The following PTPRD variants were observed in gnomAD, a reference collection of about 807,000 sequenced individuals.
PTPRD encodes protein tyrosine phosphatase receptor type D, also known as receptor-type tyrosine-protein phosphatase delta.
PTPRD carries 34 observed loss-of-function variants against 214.5 expected under a neutral mutation model. The observed-to-expected ratio is 0.16, with a 90% CI of 0.12 to 0.21. PTPRD has a LOEUF of 0.21. Ranked by LOEUF, PTPRD falls within the 10% of genes least tolerant of loss-of-function variation. The pLI is 1.00. For missense variants in PTPRD, 2,545 were observed against 2,398.7 expected, an observed-to-expected ratio of 1.06 and a Z score of -1.27; for synonymous variants, 1,128 against 845.7, an observed-to-expected ratio of 1.33 and a Z score of -5.79.
intron 3 of PTPRD, among the ~76,000 whole-genome samples, chr9:10,075,482 T>A (rs1227668679): frequency 1.3e-5 from 2 of 152,008 alleles, no homozygotes; most frequent in Non-Finnish European, 2.9e-5. Flanking sequence ...ATTTATATAC[T>A]TTATTATTTT....
At chr9:10,598,890 A>G (rs1425059092) in intron 2 of PTPRD, among the ~76,000 whole-genome samples, 1 of 151,618 alleles carries the variant, frequency 6.6e-6, no homozygotes, top group Non-Finnish European at 1.5e-5. Context: ...AATTTTTGAT[A>G]TGATGAGGAG....
chr9:9,973,301 C>CAAAAA (rs747369676), intron 4 of PTPRD, among the ~76,000 whole-genome samples: 1 of 74,198 alleles, frequency 1.3e-5, no homozygotes, highest in African/African-American at 4.4e-5. Flanking sequence ...CCTTGTCTTT[C>CAAAAA]AAAAAAAAAA....
chr9:9,941,501 T>C (rs946513163), intron 4 of PTPRD, among the ~76,000 whole-genome samples: 3 of 152,170 alleles, frequency 2.0e-5, no homozygotes, highest in African/African-American at 7.2e-5. Context: ...TTTTGTATTT[T>C]TAGTAGAGAT....
rs190668092 is a variant in PTPRD, at chr9:10,484,992, G to A, written c.-600+127406C>T. Among the ~76,000 whole-genome samples, 23 of 151,606 alleles carry A rather than the reference G, an allele frequency of 1.5e-4. 1 individual carries two copies. Among genetic ancestry groups the A allele is most frequent in the South Asian group, 1.0e-3 (5 of 4,808 alleles). On this transcript the variant is annotated intron_variant, in intron 2 of 45. Transcript: ENST00000381196. ...TTCTTGTAGTAGTTTCATAGTTTACGGTCTTAGATTTAAGTGTTTAATCAA... is the reference window on the plus strand; with the variant it reads ...TTCTTGTAGTAGTTTCATAGTTTACAGTCTTAGATTTAAGTGTTTAATCAA...
At chr9:8,469,711 A>G (rs1250953539) in intron 31 of PTPRD, among the ~76,000 whole-genome samples, 16 of 152,120 alleles carry the variant, frequency 1.1e-4, no homozygotes, top group Non-Finnish European at 5.9e-5. Flanking sequence ...ACTTGATGAC[A>G]TTATTGAAAT....
At chr9:10,076,646 G>A (rs995817082) in intron 3 of PTPRD, among the ~76,000 whole-genome samples, 3 of 152,206 alleles carry the variant, frequency 2.0e-5, no homozygotes, top group South Asian at 2.1e-4. Context: ...CCTTGCCTAG[G>A]CTGAAGTGAC....
chr9:9,637,550 C>T (rs2095809924), intron 7 of PTPRD, among the ~76,000 whole-genome samples: 1 of 152,216 alleles, frequency 6.6e-6, no homozygotes, highest in Non-Finnish European at 1.5e-5. Context: ...TCCTGGTACA[C>T]TGGGGTGGAT....
intron 11 of PTPRD, among the ~76,000 whole-genome samples, chr9:8,842,380 C>G (rs969893008): frequency 9.2e-5 from 14 of 152,078 alleles, no homozygotes; most frequent in African/African-American, 3.4e-4. Context: ...GATTATATTA[C>G]TTTTATGGCT....
At chr9:8,947,041 T>G (rs78260741) in intron 11 of PTPRD, among the ~76,000 whole-genome samples, 47 of 149,874 alleles carry the variant, frequency 3.1e-4, no homozygotes, top group East Asian at 1.2e-3. Flanking sequence ...TTTTTTTTTT[T>G]TGTGTGTGTG....
At chr9:10,466,575 A>T (rs1736984847) in intron 2 of PTPRD, among the ~76,000 whole-genome samples, 1 of 136,782 alleles carries the variant, frequency 7.3e-6, no homozygotes, top group African/African-American at 2.8e-5. Flanking sequence ...GTGAGCCAAG[A>T]TTGTGCCATT....
chr9:9,828,719 T>TC (rs1425557210), intron 5 of PTPRD, among the ~76,000 whole-genome samples: 3 of 151,906 alleles, frequency 2.0e-5, no homozygotes, highest in Non-Finnish European at 4.4e-5. Flanking sequence ...GCAGGATTTT[T>TC]TTTTTTTTTA....
At chr9:8,386,517 G>C (rs768583472) in intron 37 of PTPRD, among the ~76,000 whole-genome samples, 1 of 152,152 alleles carries the variant, frequency 6.6e-6, no homozygotes, top group African/African-American at 2.4e-5. Context: ...AGCTCTTGGA[G>C]AGGTAATTTG....
At chr9:8,671,578 T>G (rs773872743) in intron 12 of PTPRD, among the ~76,000 whole-genome samples, 5 of 152,158 alleles carry the variant, frequency 3.3e-5, no homozygotes, top group Non-Finnish European at 7.4e-5. Context: ...TTTAAAAATG[T>G]ACCTAGCCAA....
rs1392513 is a variant in PTPRD at position 8,340,256 on chromosome 9, T to A, written c.5253+87A>T. On this transcript the variant is annotated intron_variant, in intron 42 of 45. Transcript: ENST00000381196. ...GTGCACTGCATTTCAAAAAAAATGA[T>A]CTAGCACAAGAGTTATTGAAACAAA... 12,613 of 1,412,160 alleles carry A rather than the reference T, an allele frequency of 8.9e-3. 809 individuals carry two copies. In the African/African-American group the frequency reaches 0.15, roughly 16 times the overall value. 87.5% of individuals were successfully genotyped at this position (1,412,160 alleles called of 1,614,324 possible).
chr9:9,863,669 C>T (rs2063283745), intron 5 of PTPRD, among the ~76,000 whole-genome samples: 1 of 152,096 alleles, frequency 6.6e-6, no homozygotes, highest in African/African-American at 2.4e-5. Context: ...GGACATGTGA[C>T]CCTCTTACGT....
chr9:8,576,305 A>G (rs906187080), intron 14 of PTPRD, among the ~76,000 whole-genome samples: 1 of 152,160 alleles, frequency 6.6e-6, no homozygotes, highest in Non-Finnish European at 1.5e-5. Flanking sequence ...GGCCATTTTG[A>G]ACTTCCTGAA....
In PTPRD at chr9:10,302,230, A is replaced by C. The variant is rs1484750309; in HGVS notation, c.-545+38733T>G. Reference sequence around the variant, plus strand: ...CAAGCAAATGCTGAGAGATTTTGTCACCACCAGGCTTGCCTTACAAGAGCT... The same window carrying C: ...CAAGCAAATGCTGAGAGATTTTGTCCCCACCAGGCTTGCCTTACAAGAGCT... On this transcript the variant is annotated intron_variant, in intron 3 of 45. Transcript: ENST00000381196. Among the ~76,000 whole-genome samples the C allele has an allele frequency of 2.0e-5, 3 of 152,226 alleles. No individual in the cohort carries two copies. The East Asian group carries it at 5.8e-4, about 29-fold the overall frequency.
In PTPRD at chr9:8,527,283, T is replaced by C. The variant is rs1227829126; in HGVS notation, c.550+62A>G. 2.0e-6 allele frequency: 3 copies of C among 1,527,022 alleles called. No homozygotes were observed. The African/African-American group carries it at 4.1e-5, about 21-fold the overall frequency. The allele number at this position is 1,527,022 out of a possible 1,614,324, so 94.6% of individuals were successfully genotyped here. A position where few individuals can be genotyped will look rare whatever the true frequency, so the allele number is the denominator to read the frequency against. ...ATGCCATGCATTTTATTAATAATAATAATAATATTCTGGATATGGAAATTA... is the reference window on the plus strand; with the variant it reads ...ATGCCATGCATTTTATTAATAATAACAATAATATTCTGGATATGGAAATTA... On this transcript the variant is annotated intron_variant, in intron 16 of 45. Transcript: ENST00000381196.
At chr9:8,831,680 C>T (rs981191629) in intron 11 of PTPRD, among the ~76,000 whole-genome samples, 1 of 152,130 alleles carries the variant, frequency 6.6e-6, no homozygotes, top group Non-Finnish European at 1.5e-5. Context: ...AAAGAACTCA[C>T]ATACAATCTG....
Sources: gnomAD v4.1 joint callset for allele counts (sites outside exome capture counted in the v4.1 genomes callset) on GRCh38, gnomAD v4.1.1 for gene constraint, MANE v1.5 for transcripts, NCBI Gene and HGNC (gene_info 2026-07-23, HGNC 2026-07-21) for gene names.